Variants in MAD1L1 observed in about 807,000 individuals in gnomAD.
MAD1L1 encodes mitotic arrest deficient 1 like 1.
MAD1L1 carries 95 observed loss-of-function variants against 96.9 expected under a neutral mutation model. That is an observed-to-expected ratio of 0.98 (90% CI 0.83 to 1.16). MAD1L1 has a LOEUF of 1.16. Among genes scored for constraint, MAD1L1 ranks in the 50% most tolerant of loss-of-function variants. The pLI, the probability that MAD1L1 is intolerant of heterozygous loss-of-function variation, is 0.00. For synonymous variants in MAD1L1, 473 were observed against 396.6 expected (o/e 1.19, Z -2.29); for missense variants, 1,007 against 954.4 (o/e 1.06, Z -0.73).
At chr7:1,974,054 A>T (rs545567025) in intron 15 of MAD1L1, among the ~76,000 whole-genome samples, 27 of 152,316 alleles carry the variant, frequency 1.8e-4, no homozygotes, top group Non-Finnish European at 3.7e-4. Flanking sequence ...CACTCTGCAC[A>T]TCCTGCATAA....
chr7:1,887,260 G>C (rs1281649775), intron 18 of MAD1L1, among the ~76,000 whole-genome samples: 3 of 151,760 alleles, frequency 2.0e-5, no homozygotes, highest in African/African-American at 7.3e-5. Context: ...TGCATGTGTG[G>C]GCATGTGTGC....
rs571266956 is a variant in MAD1L1, at chr7:2,146,846, C to T, written c.1073+2306G>A. Among the ~76,000 whole-genome samples the T allele has an allele frequency of 2.3e-3, 356 of 152,288 alleles. No individual in the cohort carries two copies. Among genetic ancestry groups the T allele is most frequent in the African/African-American group, 7.8e-3 (325 of 41,562 alleles). ...TCAACCGTGCGAGGCTCCCTGACCC[C>T]GCCACGGCAGGCCGCGACGAACACG... is the stretch of plus-strand genomic sequence containing the variant. On this transcript the variant is annotated intron_variant, in intron 11 of 18. Coordinates refer to ENST00000265854, the MANE Select transcript of MAD1L1 (RefSeq NM_001013836.2). This position sits in a 1 kb window ranked among gnomAD's most constrained non-coding sequence, Gnocchi z 6.2.
At chr7:1,870,037 G>A (rs968403770) in intron 18 of MAD1L1, among the ~76,000 whole-genome samples, 1 of 152,192 alleles carries the variant, frequency 6.6e-6, no homozygotes, top group Non-Finnish European at 1.5e-5. Context: ...GGTGAGGTGT[G>A]GGAGGCCCAG....
intron 17 of MAD1L1, among the ~76,000 whole-genome samples, chr7:1,911,203 G>A (rs1296686280): frequency 6.6e-6 from 1 of 152,038 alleles, no homozygotes; most frequent in South Asian, 2.1e-4. Flanking sequence ...CTCAACACCC[G>A]CTGGACACCA....
intron 12 of MAD1L1, among the ~76,000 whole-genome samples, chr7:2,024,293 A>T (rs988763839): frequency 6.6e-6 from 1 of 152,056 alleles, no homozygotes; most frequent in Non-Finnish European, 1.5e-5. Context: ...AACCACCAAA[A>T]CTCACATGAG....
intron 16 of MAD1L1, among the ~76,000 whole-genome samples, chr7:1,946,683 G>C (rs1447982219): frequency 2.0e-5 from 3 of 152,216 alleles, no homozygotes; most frequent in Admixed American, 6.5e-5. Flanking sequence ...ATGCTGGGAC[G>C]GGCAGGGCAG....
intron 15 of MAD1L1, among the ~76,000 whole-genome samples, chr7:1,964,867 C>T (rs1583934378): frequency 6.6e-6 from 1 of 152,298 alleles, no homozygotes; most frequent in East Asian, 1.9e-4. Flanking sequence ...GGCCTGGGTG[C>T]CGCAGGTGAG....
chr7:2,090,132 C>G (rs1040916014), intron 11 of MAD1L1, among the ~76,000 whole-genome samples: 7 of 152,242 alleles, frequency 4.6e-5, no homozygotes, highest in Non-Finnish European at 7.3e-5. Context: ...CCTCACCAAA[C>G]ACATCCAAAT....
At chr7:1,997,198 T>C (rs1392579126) in intron 14 of MAD1L1, among the ~76,000 whole-genome samples, 1 of 152,260 alleles carries the variant, frequency 6.6e-6, no homozygotes, top group Non-Finnish European at 1.5e-5. Context: ...TTTTTCTTTT[T>C]TCTCTCTTTT....
rs150176426 is a variant in MAD1L1, at chr7:1,843,550, C to T, written c.1999-27322G>A. Among the ~76,000 whole-genome samples, 187 of 152,330 alleles carry T rather than the reference C, an allele frequency of 1.2e-3. 3 individuals carry two copies. Among genetic ancestry groups the T allele is most frequent in the African/African-American group, 4.1e-3 (171 of 41,578 alleles). On this transcript the variant is annotated intron_variant, in intron 18 of 18. Transcript: ENST00000265854. Reference sequence around the variant, plus strand: ...CTCCTGAAGTGCAATTGGTTAGTCACGGTTTAGTGTTCTTTACTGCAATGC... The same window carrying T: ...CTCCTGAAGTGCAATTGGTTAGTCATGGTTTAGTGTTCTTTACTGCAATGC...
intron 11 of MAD1L1, among the ~76,000 whole-genome samples, chr7:2,081,494 G>T (rs7778920): frequency 0.02 from 3,111 of 152,312 alleles, 106 homozygotes; most frequent in African/African-American, 0.071. Flanking sequence ...GAGGGACTGT[G>T]GGTCTCAGGG....
At chr7:2,128,886 C>A (rs753422978) in intron 11 of MAD1L1, among the ~76,000 whole-genome samples, 2 of 152,226 alleles carry the variant, frequency 1.3e-5, no homozygotes, top group Non-Finnish European at 2.9e-5. Flanking sequence ...CCCACACCTT[C>A]AGGCTTCCCA....
At chr7:1,843,339 C>T (rs561560778) in intron 18 of MAD1L1, among the ~76,000 whole-genome samples, 1 of 152,288 alleles carries the variant, frequency 6.6e-6, no homozygotes, top group East Asian at 1.9e-4. Flanking sequence ...GCAAAGCTGG[C>T]CCCGGGGAGC....
intron 9 of MAD1L1, among the ~76,000 whole-genome samples, chr7:2,214,619 G>A (rs534537342): frequency 1.3e-5 from 2 of 152,340 alleles, no homozygotes; most frequent in East Asian, 1.9e-4. Flanking sequence ...GGGAGTGGCT[G>A]TGGCCACAGG....
intron 13 of MAD1L1, among the ~76,000 whole-genome samples, chr7:2,002,516 T>G (rs908967690): frequency 1.3e-5 from 2 of 152,170 alleles, no homozygotes; most frequent in Non-Finnish European, 2.9e-5. Flanking sequence ...CAATTCACTC[T>G]CCCTGGCAGG....
At chr7:1,881,257 T>A (rs1785663992) in intron 18 of MAD1L1, among the ~76,000 whole-genome samples, 1 of 152,150 alleles carries the variant, frequency 6.6e-6, no homozygotes, top group African/African-American at 2.4e-5. Context: ...AATTAACCCA[T>A]TTATGCCTAG....
intron 12 of MAD1L1, among the ~76,000 whole-genome samples, chr7:2,050,331 C>T (rs749765842): frequency 3.9e-5 from 6 of 152,246 alleles, no homozygotes; most frequent in South Asian, 2.1e-4. Flanking sequence ...GAACCTCACG[C>T]GCCTGCTGGA....
intron 10 of MAD1L1, among the ~76,000 whole-genome samples, chr7:2,186,249 G>T (rs1469845538): frequency 1.3e-5 from 2 of 152,160 alleles, no homozygotes; most frequent in Non-Finnish European, 2.9e-5. Flanking sequence ...TATGTTTAAT[G>T]AAATGGTATT....
chr7:2,022,860 T>C (rs1782846201), intron 12 of MAD1L1, among the ~76,000 whole-genome samples: 1 of 152,124 alleles, frequency 6.6e-6, no homozygotes, highest in South Asian at 2.1e-4. Flanking sequence ...GGAAGAAAGC[T>C]AGACCACACT....
Sources: gnomAD v4.1 joint callset for allele counts (sites outside exome capture counted in the v4.1 genomes callset) on GRCh38, gnomAD v4.1.1 for gene constraint, Gnocchi (gnomAD v3.1) non-coding constraint, MANE v1.5 for transcripts, NCBI Gene and HGNC (gene_info 2026-07-23, HGNC 2026-07-21) for gene names.